Variants in TOX observed in about 807,000 individuals in gnomAD.
TOX encodes thymocyte selection associated high mobility group box.
TOX carries 11 observed loss-of-function variants against 53.7 expected under a neutral mutation model. The observed-to-expected ratio is 0.20, with a 90% CI of 0.13 to 0.34. The LOEUF (loss-of-function observed/expected upper bound fraction) is 0.34, where lower values mean the gene tolerates loss of function less well. Among genes scored for constraint, TOX ranks in the 10% least tolerant of loss-of-function variants. The pLI is 1.00. For synonymous variants in TOX, 225 were observed against 245.3 expected, an observed-to-expected ratio of 0.92 and a Z score of 0.77; for missense variants, 570 against 664.6, an observed-to-expected ratio of 0.86 and a Z score of 1.56.
intron 1 of TOX, among the ~76,000 whole-genome samples, chr8:59,025,472 CAA>C (rs1332283804): frequency 1.1e-4 from 11 of 100,256 alleles, no homozygotes; most frequent in Non-Finnish European, 5.6e-5. Flanking sequence ...AAGTAAGCAG[CAA>C]AGTTTACGTT....
chr8:59,047,062 T>C (rs767094376), intron 1 of TOX, among the ~76,000 whole-genome samples: 1 of 152,094 alleles, frequency 6.6e-6, no homozygotes, highest in South Asian at 2.1e-4. Context: ...GGAGAATGTG[T>C]CCATGGAGAA....
rs1396745678 is a variant in TOX at position 58,998,525 on chromosome 8, ATATATATAT to A, written c.103-38526_103-38518del. ...TATATATATATATATATATATATAT[ATATATATAT>A]ATATAAATTTATATATAATAAATTT... On this transcript the variant is annotated intron_variant, in intron 1 of 8. Transcript: ENST00000361421. Among the ~76,000 whole-genome samples, 4 of 58,810 alleles carry A rather than the reference ATATATATAT, an allele frequency of 6.8e-5. 1 individual carries two copies. The highest frequency in any genetic ancestry group is 1.2e-4 in the Non-Finnish European group (4 of 32,680). The allele number at this position is 58,810 out of a possible 152,430, so 38.6% of individuals were successfully genotyped here. A position where few individuals can be genotyped will look rare whatever the true frequency, so the allele number is the denominator to read the frequency against.
chr8:58,817,241 A>G (rs866453184), intron 6 of TOX, among the ~76,000 whole-genome samples: 1 of 152,184 alleles, frequency 6.6e-6, no homozygotes, highest in Non-Finnish European at 1.5e-5. Context: ...CTGTTGATGC[A>G]GCTTTCTGAA....
chr8:58,943,811 C>A (rs1812482430), intron 2 of TOX, among the ~76,000 whole-genome samples: 2 of 152,062 alleles, frequency 1.3e-5, no homozygotes, highest in Non-Finnish European at 1.5e-5. Flanking sequence ...ACCTGAACAG[C>A]AGCATGAACC....
chr8:58,851,858 G>C lies in TOX; in HGVS notation c.412-53C>G. 1 of 1,240,056 alleles carries C rather than the reference G, an allele frequency of 8.1e-7. No homozygotes were observed. The highest frequency in any genetic ancestry group is 1.0e-6 in the Non-Finnish European group (1 of 979,526). 76.8% of individuals were successfully genotyped at this position (1,240,056 alleles called of 1,614,324 possible). A position where few individuals can be genotyped will look rare whatever the true frequency, so the allele number is the denominator to read the frequency against. On this transcript the variant is annotated intron_variant, in intron 3 of 8. Coordinates refer to ENST00000361421, the MANE Select transcript of TOX (RefSeq NM_014729.3). This position sits in a 1 kb window ranked among gnomAD's most constrained non-coding sequence, Gnocchi z 4.4. ...AAATAAATAAATAAATAGGAAAGGA[G>C]TAATTTTAACAAATATGTTTTGGGC...
chr8:59,059,896 T>C (rs995838360), intron 1 of TOX, among the ~76,000 whole-genome samples: 4 of 138,802 alleles, frequency 2.9e-5, no homozygotes, highest in South Asian at 2.3e-4. Context: ...CCACCTTTTA[T>C]GTTATGTTGT....
At chr8:59,011,800 G>T (rs1585962822) in intron 1 of TOX, among the ~76,000 whole-genome samples, 1 of 152,238 alleles carries the variant, frequency 6.6e-6, no homozygotes, top group East Asian at 1.9e-4. Flanking sequence ...CTATCCTATT[G>T]CCTGGTACAC....
intron 3 of TOX, among the ~76,000 whole-genome samples, chr8:58,936,564 T>C (rs1009984154): frequency 2.6e-5 from 4 of 152,220 alleles, no homozygotes; most frequent in African/African-American, 9.6e-5. Context: ...ATTCTAGTCG[T>C]GTGGGAGCTC....
chr8:58,967,706 C>G (rs996048879), intron 1 of TOX, among the ~76,000 whole-genome samples: 6 of 152,158 alleles, frequency 3.9e-5, no homozygotes, highest in Non-Finnish European at 4.4e-5. Context: ...TGCCCAGCAA[C>G]CAGCGATGAG....
At chr8:59,039,910 C>G (rs1255572185) in intron 1 of TOX, among the ~76,000 whole-genome samples, 1 of 152,138 alleles carries the variant, frequency 6.6e-6, no homozygotes, top group Non-Finnish European at 1.5e-5. Flanking sequence ...TCATAATTAA[C>G]ATTTGAGTTT....
chr8:58,954,651 A>G (rs1352766571), intron 2 of TOX, among the ~76,000 whole-genome samples: 2 of 152,260 alleles, frequency 1.3e-5, no homozygotes, highest in African/African-American at 4.8e-5. Context: ...AGATGAGTTC[A>G]TGAGAAACTG....
intron 2 of TOX, among the ~76,000 whole-genome samples, chr8:58,955,215 G>A (rs977992026): frequency 6.6e-6 from 1 of 152,114 alleles, no homozygotes; most frequent in Admixed American, 6.6e-5. Context: ...GAGGGTGCTG[G>A]GGGTCGGGAG....
chr8:58,867,518 G>A (rs1015675557), intron 3 of TOX, among the ~76,000 whole-genome samples: 3 of 152,174 alleles, frequency 2.0e-5, no homozygotes, highest in South Asian at 2.1e-4. Flanking sequence ...CCTATTAAAC[G>A]TAGATCCATC....
chr8:58,983,214 G>C (rs539863359), intron 1 of TOX, among the ~76,000 whole-genome samples: 1 of 152,344 alleles, frequency 6.6e-6, no homozygotes, highest in Admixed American at 6.5e-5. Flanking sequence ...CTAGTTCAGT[G>C]CCTATACACA....
intron 1 of TOX, among the ~76,000 whole-genome samples, chr8:58,967,420 T>C (rs1169377241): frequency 2.0e-5 from 3 of 152,176 alleles, no homozygotes; most frequent in Non-Finnish European, 4.4e-5. Context: ...GCTCCCCAGA[T>C]CTGCTCAGCC....
intron 4 of TOX, among the ~76,000 whole-genome samples, chr8:58,839,356 C>T (rs1810605405): frequency 6.6e-6 from 1 of 152,150 alleles, no homozygotes; most frequent in Non-Finnish European, 1.5e-5. Context: ...GAGTGCACCT[C>T]CAGAAATTAG....
intron 8 of TOX, 45 bp from the exon 9 acceptor site, chr8:58,807,828 G>A: frequency 1.2e-6 from 2 of 1,610,868 alleles, no homozygotes; most frequent in Non-Finnish European, 1.7e-6. Context: ...AGGACAACCT[G>A]TGCTACAGGT....
intron 6 of TOX, among the ~76,000 whole-genome samples, chr8:58,825,484 G>A (rs1563363207): frequency 1.3e-5 from 2 of 152,300 alleles, no homozygotes; most frequent in East Asian, 3.9e-4. Flanking sequence ...TGAAAGTAAA[G>A]GCTTAGTCAG....
At chr8:58,882,479 A>G (rs1413879961) in intron 3 of TOX, among the ~76,000 whole-genome samples, 2 of 152,318 alleles carry the variant, frequency 1.3e-5, no homozygotes, top group East Asian at 3.9e-4. Context: ...GCTCTGGTTT[A>G]CTTAAGAGAA....
Sources: allele counts gnomAD v4.1 joint callset (sites outside exome capture counted in the v4.1 genomes callset), GRCh38; gene constraint gnomAD v4.1.1; non-coding constraint Gnocchi (gnomAD v3.1); transcripts MANE v1.5; gene names NCBI Gene and HGNC (gene_info 2026-07-23, HGNC 2026-07-21).